The following FBXL4 variants were observed in gnomAD, a reference collection of about 807,000 sequenced individuals.
The protein encoded by FBXL4 is F-box and leucine rich repeat protein 4, also known as F-box/LRR-repeat protein 4.
FBXL4 carries 40 observed loss-of-function variants against 58.9 expected under a neutral mutation model. That is an observed-to-expected ratio of 0.68 (90% CI 0.53 to 0.88). The LOEUF is 0.88. Among genes scored for constraint, FBXL4 ranks in the 40% least tolerant of loss-of-function variants. The pLI is 0.00. For missense variants in FBXL4, 676 were observed against 734.4 expected (o/e 0.92, Z 0.92); for synonymous variants, 263 against 265.5 (o/e 0.99, Z 0.09).
intron 5 of FBXL4, among the ~76,000 whole-genome samples, chr6:98,907,896 GTTTCTTAGTAAT>G (rs891974363): frequency 2.0e-5 from 3 of 151,972 alleles, no homozygotes; most frequent in African/African-American, 4.8e-5. Flanking sequence ...TACTCCTGAT[GTTTCTTAGTAAT>G]TTTCTTAGTA....
chr6:98,922,325 G>T lies in FBXL4; in HGVS notation c.512+4152C>A, dbSNP rs1045479114. On this transcript the variant is annotated intron_variant, in intron 4 of 9. Transcript: ENST00000369244. ...TTCTCCACTTCATTTACTGAACAAA[G>T]AAATGCAATCACATGAAATAGGAAA... 6.6e-5 allele frequency among the ~76,000 whole-genome samples: 10 copies of T among 152,284 alleles called. No homozygotes were observed. The South Asian group carries it at 1.0e-3, about 16-fold the overall frequency.
chr6:98,938,813 C>T (rs901762819), intron 1 of FBXL4, among the ~76,000 whole-genome samples: 8 of 151,760 alleles, frequency 5.3e-5, no homozygotes, highest in South Asian at 2.1e-4. Context: ...CTGGGCACAG[C>T]GGCTCATGCC....
intron 7 of FBXL4, among the ~76,000 whole-genome samples, chr6:98,892,439 C>A (rs958109639): frequency 6.6e-6 from 1 of 152,194 alleles, no homozygotes; most frequent in African/African-American, 2.4e-5. Context: ...ACTTTGTTAG[C>A]TGCAATGGCT....
chr6:98,884,549 T>C (rs1464513933), intron 7 of FBXL4, among the ~76,000 whole-genome samples: 1 of 152,210 alleles, frequency 6.6e-6, no homozygotes, highest in Non-Finnish European at 1.5e-5. Context: ...AGTCTCTTAC[T>C]TGATAAGAAG....
chr6:98,896,901 A>G (rs146952705), intron 7 of FBXL4: 243 of 984,908 alleles, frequency 2.5e-4, no homozygotes, highest in Non-Finnish European at 2.7e-4. Flanking sequence ...CACTTAAAAA[A>G]TTTGGTCATA....
At chr6:98,918,178 T>C (rs569672295) in intron 4 of FBXL4, among the ~76,000 whole-genome samples, 9 of 152,318 alleles carry the variant, frequency 5.9e-5, no homozygotes, top group African/African-American at 2.2e-4. Context: ...ACTTTCATAT[T>C]ATCTTTTTCT....
At chr6:98,896,742 C>T (rs1329707074) in intron 7 of FBXL4, 2 of 915,622 alleles carry the variant, frequency 2.2e-6, no homozygotes, top group South Asian at 5.1e-5. Flanking sequence ...GAGGGTACAA[C>T]CTAAATTTTA....
intron 1 of FBXL4, among the ~76,000 whole-genome samples, 192 bp downstream of exon 1, chr6:98,947,613 GC>G (rs1773673075): frequency 6.6e-6 from 1 of 152,186 alleles, no homozygotes; most frequent in Non-Finnish European, 1.5e-5. Context: ...GCCCCAGCAA[GC>G]CCCGCAAGCG....
At chr6:98,887,504 T>C (rs1406664817) in intron 7 of FBXL4, among the ~76,000 whole-genome samples, 1 of 152,198 alleles carries the variant, frequency 6.6e-6, no homozygotes, top group Non-Finnish European at 1.5e-5. Context: ...TGCATTATTT[T>C]CTCTGGGAGA....
intron 7 of FBXL4, chr6:98,898,479 C>A (rs1375275697): frequency 1.0e-6 from 1 of 959,266 alleles, no homozygotes; most frequent in African/African-American, 1.8e-5. Context: ...GTGGCACGTG[C>A]CTGTAATCCC....
At chr6:98,875,071 AATTC>A (rs1178759947) in intron 9 of FBXL4, among the ~76,000 whole-genome samples, 1 of 152,134 alleles carries the variant, frequency 6.6e-6, no homozygotes, top group Admixed American at 6.5e-5. Context: ...AACTAGCTTG[AATTC>A]ATTATACAAA....
intron 6 of FBXL4, among the ~76,000 whole-genome samples, chr6:98,904,476 A>G (rs1193420232): frequency 6.6e-6 from 1 of 152,148 alleles, no homozygotes; most frequent in Non-Finnish European, 1.5e-5. Context: ...AACAATATCA[A>G]ATCTTTATTT....
intron 6 of FBXL4, among the ~76,000 whole-genome samples, chr6:98,902,863 C>T (rs994969219): frequency 6.6e-6 from 1 of 152,032 alleles, no homozygotes; most frequent in African/African-American, 2.4e-5. Flanking sequence ...ATGAACAGTA[C>T]TCAAAGTAAT....
At chr6:98,883,182 C>A (rs779416644) in intron 7 of FBXL4, among the ~76,000 whole-genome samples, 1 of 152,002 alleles carries the variant, frequency 6.6e-6, no homozygotes, top group Non-Finnish European at 1.5e-5. Context: ...ACTAGTGAGA[C>A]TGAAGATCTT....
intron 7 of FBXL4, among the ~76,000 whole-genome samples, chr6:98,893,920 C>G (rs1265585698): frequency 6.6e-6 from 1 of 152,140 alleles, no homozygotes; most frequent in Non-Finnish European, 1.5e-5. Context: ...CTCTGTCACT[C>G]AGGCTGGAGT....
intron 1 of FBXL4, among the ~76,000 whole-genome samples, chr6:98,935,721 G>C (rs1038295001): frequency 6.6e-6 from 1 of 150,416 alleles, no homozygotes; most frequent in Non-Finnish European, 1.5e-5. Context: ...CCCGGGAAGC[G>C]GAGCTTGCAG....
chr6:98,881,006 A>T (rs1047373578), intron 7 of FBXL4, among the ~76,000 whole-genome samples: 32 of 152,022 alleles, frequency 2.1e-4, no homozygotes, highest in African/African-American at 7.2e-4. Flanking sequence ...AAGACAAAAA[A>T]CCCGCAGCAG....
intron 8 of FBXL4, among the ~76,000 whole-genome samples, chr6:98,876,278 C>G (rs753022670): frequency 6.6e-5 from 10 of 152,136 alleles, no homozygotes; most frequent in Non-Finnish European, 1.3e-4. Context: ...TGTTAATCAA[C>G]TGTCAGTTAT....
At chr6:98,920,652 T>C (rs554716561) in intron 4 of FBXL4, among the ~76,000 whole-genome samples, 1 of 152,288 alleles carries the variant, frequency 6.6e-6, no homozygotes. Context: ...AGAGCTAAAA[T>C]GTATCATTTC....
Sources: gnomAD v4.1 joint callset for allele counts (sites outside exome capture counted in the v4.1 genomes callset) on GRCh38, gnomAD v4.1.1 for gene constraint, MANE v1.5 for transcripts, NCBI Gene and HGNC (gene_info 2026-07-23, HGNC 2026-07-21) for gene names.